MRPS25: variants seen among roughly 807,000 people sequenced by gnomAD.
MRPS25 encodes small ribosomal subunit protein mS25.
A neutral mutation model predicts 17.3 loss-of-function variants in MRPS25; 15 were observed. That is an observed-to-expected ratio of 0.87 (90% CI 0.58 to 1.34). The LOEUF is 1.34. MRPS25 is among the 40% of genes most tolerant of loss of function. The pLI is 0.00. For synonymous variants in MRPS25, 94 were observed against 83.3 expected (o/e 1.13, Z -0.70); for missense variants, 225 against 218.6 (o/e 1.03, Z -0.19).
intron 1 of MRPS25, among the ~76,000 whole-genome samples, chr3:15,064,132 G>A (rs2042820820): frequency 6.6e-6 from 1 of 152,104 alleles, no homozygotes; most frequent in Non-Finnish European, 1.5e-5. Context: ...GCCTCATTTT[G>A]ATCCAACATA....
intron 2 of MRPS25, among the ~76,000 whole-genome samples, chr3:15,057,936 G>GT (rs1485898783): frequency 6.6e-6 from 1 of 152,146 alleles, no homozygotes; most frequent in Non-Finnish European, 1.5e-5. Context: ...CCAGGCTGGC[G>GT]TGCAGTGGTG....
At chr3:15,062,635 A>G (rs1379952734) in intron 1 of MRPS25, among the ~76,000 whole-genome samples, 3 of 152,176 alleles carry the variant, frequency 2.0e-5, no homozygotes, top group African/African-American at 7.2e-5. Flanking sequence ...AAGGGGGGAA[A>G]GGTGGGGAAA....
In MRPS25 at chr3:15,051,068, G is replaced by C. The variant is rs2042598063; in HGVS notation, c.*1373C>G. The C allele has an allele frequency of 1.0e-6, 1 of 984,528 alleles. No individual in the cohort carries two copies. Among genetic ancestry groups the C allele is most frequent in the East Asian group, 1.1e-4 (1 of 8,824 alleles). The allele number at this position is 984,528 out of a possible 1,614,324, so 61.0% of individuals were successfully genotyped here. A position where few individuals can be genotyped will look rare whatever the true frequency, so the allele number is the denominator to read the frequency against. On this transcript the variant is annotated 3_prime_UTR_variant, in exon 4 of 4. Transcript: ENST00000253686. The stretch of plus-strand genomic sequence containing the variant: ...CAGTCCTGCTCTGTCAAGCACCACT[G>C]TCCTTTTTTAATTCTTTTAACCACT...
intron 1 of MRPS25, among the ~76,000 whole-genome samples, chr3:15,063,665 G>A (rs1459066422): frequency 6.6e-6 from 1 of 152,156 alleles, no homozygotes; most frequent in East Asian, 1.9e-4. Context: ...AGGCTCACAG[G>A]CTTATTTTGA....
intron 1 of MRPS25, among the ~76,000 whole-genome samples, chr3:15,061,604 A>C (rs2042760737): frequency 1.3e-5 from 2 of 152,114 alleles, no homozygotes; most frequent in East Asian, 1.9e-4. Flanking sequence ...GGCCTCCCAA[A>C]GTGTCCAGAG....
Position 15,052,274 on chromosome 3 carries a change from C to T in MRPS25, c.*167G>A, listed in dbSNP as rs552283583. 209 of 1,385,938 alleles carry T rather than the reference C, an allele frequency of 1.5e-4. 10 individuals carry two copies. In the South Asian group the frequency reaches 2.3e-3, roughly 15 times the overall value. 85.9% of individuals were successfully genotyped at this position (1,385,938 alleles called of 1,614,324 possible). A position where few individuals can be genotyped will look rare whatever the true frequency, so the allele number is the denominator to read the frequency against. ...TTCATTTAGCAGCTCAGCTTCAGAC[C>T]CTCCTCTCCCACATCCTTTTACACA... is the stretch of plus-strand genomic sequence containing the variant. On this transcript the variant is annotated 3_prime_UTR_variant, in exon 4 of 4. Transcript: ENST00000253686.
At chr3:15,060,139 G>A (rs2042731275) in intron 1 of MRPS25, among the ~76,000 whole-genome samples, 1 of 152,092 alleles carries the variant, frequency 6.6e-6, no homozygotes, top group Non-Finnish European at 1.5e-5. Context: ...ATGGAGGTTT[G>A]GGGGGTGAGA....
In MRPS25 at chr3:15,051,373, A is replaced by G. The variant is rs998131819; in HGVS notation, c.*1068T>C. 3 of 578,660 alleles carry G rather than the reference A, an allele frequency of 5.2e-6. No individual in the cohort carries two copies. The highest frequency in any genetic ancestry group is 1.5e-4 in the South Asian group (2 of 13,224). The allele number at this position is 578,660 out of a possible 1,614,324, so 35.8% of individuals were successfully genotyped here. On this transcript the variant is annotated 3_prime_UTR_variant, in exon 4 of 4. Transcript: ENST00000253686. ...TAATTTTTGTACTTTTTGTAGAGAC[A>G]AGGTCTTGCCATGTTGCCCAGGCTG...
At chr3:15,053,187 G>T in intron 3 of MRPS25, 193 bp downstream of exon 3, 1 of 1,297,160 alleles carries the variant, frequency 7.7e-7, no homozygotes, top group Non-Finnish European at 1.0e-6. Context: ...GGGAGATAAA[G>T]CTTACAGAGG....
At chr3:15,059,550 G>A in intron 1 of MRPS25, 75 bp from the exon 2 acceptor site, 1 of 979,460 alleles carries the variant, frequency 1.0e-6, no homozygotes, top group Non-Finnish European at 1.6e-6. Flanking sequence ...ATTTTTCTAG[G>A]GAGAAAGCCC....
intron 1 of MRPS25, among the ~76,000 whole-genome samples, chr3:15,063,395 G>T (rs1421663835): frequency 6.6e-6 from 1 of 152,210 alleles, no homozygotes; most frequent in African/African-American, 2.4e-5. Context: ...GGCTGGACCG[G>T]TCGCAGGCAC....
intron 1 of MRPS25, among the ~76,000 whole-genome samples, chr3:15,062,868 C>G (rs2042797407): frequency 6.6e-6 from 1 of 152,008 alleles, no homozygotes; most frequent in Non-Finnish European, 1.5e-5. Context: ...TGCTTGAAAG[C>G]AGCATGCTCG....
chr3:15,052,310 G>A lies in MRPS25; in HGVS notation c.*131C>T. 8 of 1,471,706 alleles carry A rather than the reference G, an allele frequency of 5.4e-6. No homozygotes were observed. Among genetic ancestry groups the A allele is most frequent in the Non-Finnish European group, 7.2e-6 (8 of 1,114,368 alleles). 91.2% of individuals were successfully genotyped at this position (1,471,706 alleles called of 1,614,324 possible). A position where few individuals can be genotyped will look rare whatever the true frequency, so the allele number is the denominator to read the frequency against. On this transcript the variant is annotated 3_prime_UTR_variant, in exon 4 of 4. Coordinates refer to ENST00000253686, the MANE Select transcript of MRPS25 (RefSeq NM_022497.5). ...ACATCCTTTTACACAGGTGTGTAAA[G>A]TCCTTTTAATGCAAAAGGATTTCCA...
chr3:15,049,957 C>A lies in MRPS25; in HGVS notation c.*2484G>T. ...GTGCCTCAAAGAGAAGAAAAGTGGT[C>A]ACTTCAGAATAAGGCTGTGAACACT... On this transcript the variant is annotated 3_prime_UTR_variant, in exon 4 of 4. Coordinates refer to ENST00000253686, the MANE Select transcript of MRPS25 (RefSeq NM_022497.5). 2.0e-6 allele frequency: 3 copies of A among 1,527,886 alleles called. No individual in the cohort carries two copies. The South Asian group carries it at 3.6e-5, about 19-fold the overall frequency. The allele number at this position is 1,527,886 out of a possible 1,614,324, so 94.6% of individuals were successfully genotyped here.
chr3:15,053,284 A>C (rs2042629049), intron 3 of MRPS25, 96 bp downstream of exon 3: 1 of 1,575,216 alleles, frequency 6.3e-7, no homozygotes, highest in South Asian at 1.2e-5. Flanking sequence ...CTGTCAGAGA[A>C]TCTTACCTCT....
chr3:15,058,422 C>A (rs1241328382), intron 2 of MRPS25, among the ~76,000 whole-genome samples: 1 of 152,156 alleles, frequency 6.6e-6, no homozygotes, highest in Non-Finnish European at 1.5e-5. Context: ...ATCTCCTGAC[C>A]TCGTGATCCA....
intron 2 of MRPS25, 21 bp from the exon 3 acceptor site, chr3:15,053,488 G>A: frequency 6.2e-7 from 1 of 1,614,114 alleles, no homozygotes; most frequent in Non-Finnish European, 8.5e-7. Context: ...AAAGCACGGG[G>A]CAGAAGAGAA....
intron 2 of MRPS25, among the ~76,000 whole-genome samples, chr3:15,054,907 T>G (rs1248614214): frequency 1.3e-5 from 2 of 152,176 alleles, no homozygotes; most frequent in Non-Finnish European, 2.9e-5. Flanking sequence ...CTCACATTGC[T>G]ATAAAGAAAT....
rs555890366 is a variant in MRPS25, at chr3:15,048,926, G to T, written c.*3515C>A. 2.6e-5 allele frequency: 4 copies of T among 152,540 alleles called. No homozygotes were observed. The highest frequency in any genetic ancestry group is 2.6e-4 in the Admixed American group (4 of 15,276). 9.4% of individuals were successfully genotyped at this position (152,540 alleles called of 1,614,324 possible). A position where few individuals can be genotyped will look rare whatever the true frequency, so the allele number is the denominator to read the frequency against. ...TCTTGGGACCGTTTCTGTAACCTTT[G>T]CCCTTCACAATATAGAAAATATTGG... On this transcript the variant is annotated 3_prime_UTR_variant, in exon 4 of 4. Coordinates refer to ENST00000253686, the MANE Select transcript of MRPS25 (RefSeq NM_022497.5).
Sources: allele counts gnomAD v4.1 joint callset (sites outside exome capture counted in the v4.1 genomes callset), GRCh38; gene constraint gnomAD v4.1.1; transcripts MANE v1.5; gene names NCBI Gene and HGNC (gene_info 2026-07-23, HGNC 2026-07-21).